ABI3BP: variants seen among roughly 807,000 people sequenced by gnomAD.
ABI3BP encodes target of Nesh-SH3.
A neutral mutation model predicts 268.6 loss-of-function variants in ABI3BP; 216 were observed. The observed-to-expected ratio is 0.80, with a 90% CI of 0.72 to 0.90. The LOEUF (loss-of-function observed/expected upper bound fraction) is 0.90, where lower values mean the gene tolerates loss of function less well. Ranked by LOEUF, ABI3BP falls within the 40% of genes least tolerant of loss-of-function variation. The pLI, the probability that ABI3BP is intolerant of heterozygous loss-of-function variation, is 0.00. For missense variants in ABI3BP, 2,090 were observed against 2,182.4 expected, an observed-to-expected ratio of 0.96 and a Z score of 0.84; for synonymous variants, 730 against 730.0, an observed-to-expected ratio of 1.00 and a Z score of 0.00.
Position 100,821,091 on chromosome 3 carries a change from A to G in ABI3BP, c.2910T>C (p.Pro970=), listed in dbSNP as rs2098206084. ...CCCAAGTCTCAGTTCTGAGTGTAAC[A>G]GGTTTGAGCTCCGCAGTAGGAACTG... is the stretch of plus-strand genomic sequence containing the variant. ...SKPVPTAELK[P]VTLRTETWVT... Residue 970 remains proline, a synonymous_variant, in exon 39 of 68, where the codon CCT becomes CCC. Transcript: ENST00000471714. 6.5e-7 allele frequency: 1 copy of G among 1,535,996 alleles called. No homozygotes were observed. The highest frequency in any genetic ancestry group is 8.7e-7 in the Non-Finnish European group (1 of 1,146,796).
intron 1 of ABI3BP, among the ~76,000 whole-genome samples, chr3:100,932,821 A>G (rs1333602084): frequency 1.3e-5 from 2 of 152,198 alleles, no homozygotes; most frequent in Non-Finnish European, 2.9e-5. Context: ...CAGAACTGTC[A>G]TTCAACCCAG....
At chr3:100,966,884 A>C (rs750961464) in intron 1 of ABI3BP, among the ~76,000 whole-genome samples, 5 of 152,086 alleles carry the variant, frequency 3.3e-5, no homozygotes, top group Non-Finnish European at 7.4e-5. Flanking sequence ...TCCTACACCA[A>C]AGAACTTCAC....
At chr3:100,988,813 T>G (rs140848527) in intron 1 of ABI3BP, among the ~76,000 whole-genome samples, 351 of 152,376 alleles carry the variant, frequency 2.3e-3, no homozygotes, top group African/African-American at 8.0e-3. Flanking sequence ...AATGAATTAA[T>G]GTATCTTTAC....
intron 1 of ABI3BP, among the ~76,000 whole-genome samples, chr3:100,957,990 A>G (rs1271965121): frequency 2.0e-5 from 3 of 152,240 alleles, no homozygotes; most frequent in African/African-American, 7.2e-5. Flanking sequence ...GAGAAGAAGT[A>G]GCTCATGAGG....
chr3:100,792,962 C>T (rs2097241299), intron 54 of ABI3BP, among the ~76,000 whole-genome samples, 194 bp from the exon 55 acceptor site: 1 of 151,838 alleles, frequency 6.6e-6, no homozygotes, highest in African/African-American at 2.4e-5. Flanking sequence ...TGCTGTTTTA[C>T]ACTATTATTT....
At chr3:100,760,310 GGA>G (rs1331469271) in intron 63 of ABI3BP, among the ~76,000 whole-genome samples, 5 of 152,198 alleles carry the variant, frequency 3.3e-5, no homozygotes, top group Non-Finnish European at 5.9e-5. Context: ...AGTAAAGTAA[GGA>G]GAGAGGTGAG....
chr3:100,759,235 G>T lies in ABI3BP; in HGVS notation c.4851-4544C>A, dbSNP rs72930632. On this transcript the variant is annotated intron_variant, in intron 63 of 67. Coordinates refer to ENST00000471714, the MANE Select transcript of ABI3BP (RefSeq NM_001375547.2). ...CGTGAAATATTTGATCCCCATTCAG[G>T]TGAAGGTTCAGAGGGAGATAAATGG... Among the ~76,000 whole-genome samples the T allele has an allele frequency of 4.9e-3, 742 of 152,200 alleles. 6 individuals carry two copies. Among genetic ancestry groups the T allele is most frequent in the African/African-American group, 0.017 (707 of 41,516 alleles).
chr3:100,866,981 T>G, intron 9 of ABI3BP, 25 bp from the exon 10 acceptor site: 1 of 1,597,720 alleles, frequency 6.3e-7, no homozygotes, highest in Non-Finnish European at 8.6e-7. Context: ...AACAAACAAT[T>G]TATCTCACTT....
intron 1 of ABI3BP, among the ~76,000 whole-genome samples, chr3:100,965,744 C>T (rs1429917045): frequency 6.6e-6 from 1 of 151,472 alleles, no homozygotes; most frequent in Non-Finnish European, 1.5e-5. Context: ...TTGGTGGTGG[C>T]CTTGGGGATC....
chr3:100,914,535 C>T, intron 2 of ABI3BP: 3 of 430,174 alleles, frequency 7.0e-6, no homozygotes, highest in South Asian at 3.3e-5. Context: ...AGGGAGCTCA[C>T]AGCTCATGTT....
At chr3:100,784,579 G>A (rs2096968024) in intron 57 of ABI3BP, among the ~76,000 whole-genome samples, 2 of 152,158 alleles carry the variant, frequency 1.3e-5, no homozygotes, top group African/African-American at 4.8e-5. Context: ...ACATGCACAT[G>A]TATGTTTATT....
At chr3:100,784,399 G>A (rs147845581) in intron 57 of ABI3BP, among the ~76,000 whole-genome samples, 135 of 152,270 alleles carry the variant, frequency 8.9e-4, no homozygotes, top group African/African-American at 3.2e-3. Context: ...CGTGGATGTA[G>A]GGAAAAGGGG....
In ABI3BP at chr3:100,750,153, T is replaced by A. The variant is rs528725094; in HGVS notation, c.*342A>T. On this transcript the variant is annotated 3_prime_UTR_variant, in exon 68 of 68. Transcript: ENST00000471714. ...AAGTAAATTTTTTTTAAAAAGTATA[T>A]ACCTTTTTGATGTTAATTTTGTTAT... is the stretch of plus-strand genomic sequence containing the variant. The A allele has an allele frequency of 1.3e-4, 28 of 218,136 alleles. No individual in the cohort carries two copies. The South Asian group carries it at 2.6e-3, about 21-fold the overall frequency. The allele number at this position is 218,136 out of a possible 1,614,324, so 13.5% of individuals were successfully genotyped here.
chr3:100,754,510 A>C, intron 64 of ABI3BP, 102 bp downstream of exon 64: 11 of 1,149,892 alleles, frequency 9.6e-6, no homozygotes, highest in Non-Finnish European at 1.4e-5. Context: ...GAAATTCAAG[A>C]AACAGTACAT....
intron 49 of ABI3BP, among the ~76,000 whole-genome samples, chr3:100,809,529 T>C (rs2097794739): frequency 6.6e-6 from 1 of 152,038 alleles, no homozygotes; most frequent in African/African-American, 2.4e-5. Flanking sequence ...AGAACAAAAT[T>C]TGGAAAAGTT....
intron 30 of ABI3BP, 122 bp from the exon 31 acceptor site, chr3:100,832,472 T>C: frequency 1.0e-6 from 1 of 967,418 alleles, no homozygotes; most frequent in South Asian, 2.0e-5. Flanking sequence ...TTTGTCATTT[T>C]CGTTTGAAAT....
rs2098090526 is a variant in ABI3BP, at chr3:100,817,483, AC to A, written c.3100del (p.Val1034SerfsTer16). On this transcript the variant is annotated frameshift_variant, in exon 42 of 68. Coordinates refer to ENST00000471714, the MANE Select transcript of ABI3BP (RefSeq NM_001375547.2). LOFTEE classifies it high-confidence loss of function. ...GGTTCTAAAAGTGTCAGGTTCAAGG[AC>A]TGTAGTAACAACTAGACAAAAATAA... ...EAPKTMVVTT[V>X]LEPDTFRTKF... is the part of the protein sequence containing the mutation. 3 of 1,502,224 alleles carry A rather than the reference AC, an allele frequency of 2.0e-6. No homozygotes were observed. The African/African-American group carries it at 4.1e-5, about 21-fold the overall frequency. 93.1% of individuals were successfully genotyped at this position (1,502,224 alleles called of 1,614,324 possible). A position where few individuals can be genotyped will look rare whatever the true frequency, so the allele number is the denominator to read the frequency against.
chr3:100,862,465 A>G lies in ABI3BP; in HGVS notation c.1211-80T>C, dbSNP rs2099009004. 9.6e-6 allele frequency: 9 copies of G among 940,630 alleles called. No individual in the cohort carries two copies. In the South Asian group the frequency reaches 1.3e-4, roughly 13 times the overall value. 58.3% of individuals were successfully genotyped at this position (940,630 alleles called of 1,614,324 possible). On this transcript the variant is annotated intron_variant, in intron 13 of 67. Coordinates refer to ENST00000471714, the MANE Select transcript of ABI3BP (RefSeq NM_001375547.2). The stretch of plus-strand genomic sequence containing the variant: ...AACGAGACAGAAATAGGTTGCTGGT[A>G]TGGTTAAGTGGCTACCAGAAGCCTG...
intron 27 of ABI3BP, 30 bp downstream of exon 27, chr3:100,837,094 A>T (rs952825862): frequency 6.6e-7 from 1 of 1,511,950 alleles, no homozygotes; most frequent in Non-Finnish European, 8.8e-7. Flanking sequence ...TCAGAGAAAC[A>T]TTGGCCAAGA....
Sources: allele counts gnomAD v4.1 joint callset (sites outside exome capture counted in the v4.1 genomes callset), GRCh38; gene constraint gnomAD v4.1.1; transcripts MANE v1.5; gene names NCBI Gene and HGNC (gene_info 2026-07-23, HGNC 2026-07-21).